The following SLC39A12 variants were observed in gnomAD, a reference collection of about 807,000 sequenced individuals.
SLC39A12 encodes the protein solute carrier family 39 member 12.
Under a neutral mutation model 71.1 loss-of-function variants are expected in SLC39A12, and 63 were observed. The ratio of observed to expected loss-of-function variants is 0.89; its 90% confidence interval spans 0.72 to 1.09. The LOEUF is 1.09. Ranked by LOEUF, SLC39A12 falls within the 50% of genes least tolerant of loss-of-function variation. The pLI is 0.00. For synonymous variants in SLC39A12, 351 were observed against 301.3 expected, an observed-to-expected ratio of 1.16 and a Z score of -1.71; for missense variants, 892 against 812.6, an observed-to-expected ratio of 1.10 and a Z score of -1.19.
At chr10:18,026,942 T>C (rs1044400468) in intron 12 of SLC39A12, among the ~76,000 whole-genome samples, 4 of 152,238 alleles carry the variant, frequency 2.6e-5, no homozygotes, top group African/African-American at 9.6e-5. Context: ...TTTATTAAGT[T>C]CCTTAACATA....
At chr10:17,976,596 A>G (rs924700459) in intron 4 of SLC39A12, among the ~76,000 whole-genome samples, 8 of 151,632 alleles carry the variant, frequency 5.3e-5, no homozygotes, top group African/African-American at 1.7e-4. Context: ...TTTTATATAT[A>G]TATTTTTTTG....
chr10:18,026,097 G>T (rs1836669553), intron 12 of SLC39A12, among the ~76,000 whole-genome samples: 1 of 152,078 alleles, frequency 6.6e-6, no homozygotes, highest in African/African-American at 2.4e-5. Context: ...GATCAACTCA[G>T]AATAAGAAAA....
At chr10:17,987,414 C>T (rs947611368) in intron 6 of SLC39A12, 65 bp from the exon 7 acceptor site, 24 of 1,498,070 alleles carry the variant, frequency 1.6e-5, no homozygotes, top group Middle Eastern at 2.3e-4. Context: ...CTGGCATTTT[C>T]GCCAGCTGAG....
intron 2 of SLC39A12, among the ~76,000 whole-genome samples, chr10:17,957,682 G>T (rs1283316877): frequency 6.6e-6 from 1 of 152,000 alleles, no homozygotes; most frequent in Non-Finnish European, 1.5e-5. Flanking sequence ...TAGTGGCGTC[G>T]AACTGAAAAT....
intron 7 of SLC39A12, among the ~76,000 whole-genome samples, chr10:17,988,141 C>G (rs1319757913): frequency 6.6e-6 from 1 of 152,196 alleles, no homozygotes; most frequent in African/African-American, 2.4e-5. Flanking sequence ...AACCCCATCT[C>G]TACTAAAAAT....
intron 7 of SLC39A12, among the ~76,000 whole-genome samples, chr10:17,989,180 C>A (rs1189102522): frequency 6.6e-6 from 1 of 152,110 alleles, no homozygotes; most frequent in East Asian, 1.9e-4. Context: ...GATGGTGGAC[C>A]AATGATCCCC....
chr10:18,007,875 C>T (rs958785814), intron 12 of SLC39A12, among the ~76,000 whole-genome samples: 2 of 152,122 alleles, frequency 1.3e-5, no homozygotes, highest in African/African-American at 2.4e-5. Context: ...TTGCTGACCT[C>T]CTCTCTCTTC....
intron 3 of SLC39A12, among the ~76,000 whole-genome samples, chr10:17,963,732 A>G (rs1834751733): frequency 6.6e-6 from 1 of 152,142 alleles, no homozygotes; most frequent in African/African-American, 2.4e-5. Context: ...ATGAGGTCAG[A>G]TGAGGTTCTG....
At chr10:18,002,331 A>T (rs1316939674) in intron 11 of SLC39A12, 1 of 152,012 alleles carries the variant, frequency 6.6e-6, no homozygotes, top group East Asian at 1.9e-4. Context: ...GGAGCAGTTT[A>T]TCCAAGGTCC....
chr10:18,004,560 C>A (rs1000679663), intron 12 of SLC39A12, among the ~76,000 whole-genome samples: 5 of 152,160 alleles, frequency 3.3e-5, no homozygotes, highest in Admixed American at 2.6e-4. Context: ...CACTCTAAGG[C>A]TCCTGAGTTT....
At chr10:17,982,912 C>T (rs1000258465) in intron 6 of SLC39A12, among the ~76,000 whole-genome samples, 15 of 152,062 alleles carry the variant, frequency 9.9e-5, no homozygotes, top group Admixed American at 1.3e-4. Flanking sequence ...AGAAAGGGGC[C>T]AGGCGCGGTG....
intron 12 of SLC39A12, among the ~76,000 whole-genome samples, chr10:18,012,890 T>G (rs2130863786): frequency 6.8e-6 from 1 of 147,516 alleles, no homozygotes; most frequent in African/African-American, 2.5e-5. Context: ...AAAAAAGGGC[T>G]TAAATCCTGC....
intron 1 of SLC39A12, 116 bp from the exon 2 acceptor site, chr10:17,953,075 C>G (rs1348793006): frequency 1.6e-6 from 1 of 638,486 alleles, no homozygotes; most frequent in Non-Finnish European, 2.6e-6. Context: ...CTACAGACCC[C>G]CGCTGTGTAG....
chr10:18,034,466 C>T (rs1183110312), intron 12 of SLC39A12, among the ~76,000 whole-genome samples: 1 of 152,138 alleles, frequency 6.6e-6, no homozygotes, highest in Non-Finnish European at 1.5e-5. Flanking sequence ...ACTAGGATTG[C>T]AACCCCTGCC....
At chr10:17,986,445 C>T (rs1047640392) in intron 6 of SLC39A12, among the ~76,000 whole-genome samples, 2 of 152,140 alleles carry the variant, frequency 1.3e-5, no homozygotes, top group African/African-American at 4.8e-5. Context: ...TCAGCAGATT[C>T]GGCATCTGGT....
intron 12 of SLC39A12, among the ~76,000 whole-genome samples, chr10:18,013,825 A>G (rs763283863): frequency 6.6e-6 from 1 of 152,192 alleles, no homozygotes; most frequent in Non-Finnish European, 1.5e-5. Context: ...CTCTTGGTCT[A>G]TATGGCTGTC....
intron 4 of SLC39A12, among the ~76,000 whole-genome samples, chr10:17,972,421 T>C (rs563313821): frequency 6.6e-6 from 1 of 152,324 alleles, no homozygotes; most frequent in Admixed American, 6.5e-5. Flanking sequence ...TCTCTAATGC[T>C]GACAGTGGGG....
intron 12 of SLC39A12, among the ~76,000 whole-genome samples, chr10:18,008,237 C>G (rs1365177677): frequency 6.6e-6 from 1 of 152,172 alleles, no homozygotes; most frequent in Non-Finnish European, 1.5e-5. Flanking sequence ...CTCACCTGAG[C>G]TCCGCCTCCT....
intron 3 of SLC39A12, 90 bp from the exon 4 acceptor site, chr10:17,965,393 C>A (rs1176226829): frequency 3.4e-6 from 4 of 1,166,956 alleles, no homozygotes; most frequent in Middle Eastern, 2.9e-4. Context: ...AAAACAATTC[C>A]TTATCCCTTT....
Sources: gnomAD v4.1 joint callset for allele counts (sites outside exome capture counted in the v4.1 genomes callset) on GRCh38, gnomAD v4.1.1 for gene constraint, MANE v1.5 for transcripts, NCBI Gene and HGNC (gene_info 2026-07-23, HGNC 2026-07-21) for gene names.